The following APBA2 variants were observed in gnomAD, a reference collection of about 807,000 sequenced individuals.
APBA2 encodes amyloid-beta A4 precursor protein-binding family A member 2.
A neutral mutation model predicts 75.0 loss-of-function variants in APBA2; 30 were observed. That is an observed-to-expected ratio of 0.40 (90% CI 0.30 to 0.54). The LOEUF (loss-of-function observed/expected upper bound fraction) is 0.54. Among genes scored for constraint, APBA2 ranks in the 20% least tolerant of loss-of-function variants. The pLI is 0.49. For missense variants in APBA2, 801 were observed against 1,016.1 expected (o/e 0.79, Z 2.88); for synonymous variants, 444 against 409.6 (o/e 1.08, Z -1.01).
chr15:29,025,321 A>G (rs2152835924), intron 3 of APBA2, among the ~76,000 whole-genome samples: 1 of 146,248 alleles, frequency 6.8e-6, no homozygotes, highest in Non-Finnish European at 1.5e-5. Context: ...GCTGGCATGC[A>G]GTGGCGCCAT....
At chr15:29,023,571 T>C (rs1369359833) in intron 3 of APBA2, among the ~76,000 whole-genome samples, 1 of 142,074 alleles carries the variant, frequency 7.0e-6, no homozygotes, top group East Asian at 2.4e-4. Flanking sequence ...TTCTCCTGCC[T>C]CAGCCTCCCG....
intron 1 of APBA2, among the ~76,000 whole-genome samples, chr15:28,900,267 C>T (rs191070351): frequency 6.6e-6 from 1 of 152,324 alleles, no homozygotes. Flanking sequence ...GAATGGGTGA[C>T]AGGTGCTGTT....
chr15:29,035,816 A>G (rs563403656), intron 3 of APBA2, among the ~76,000 whole-genome samples: 5 of 152,266 alleles, frequency 3.3e-5, no homozygotes, highest in Admixed American at 2.0e-4. Flanking sequence ...GGGAGCCAGA[A>G]GCCCCGCAGG....
At position 29,093,312 on chromosome 15, in the gene APBA2, G is replaced by T. The variant is rs2043678741; in HGVS notation, c.1215+92G>T. 2.6e-6 allele frequency: 4 copies of T among 1,529,058 alleles called. No homozygotes were observed. In the Admixed American group the frequency reaches 5.7e-5, roughly 22 times the overall value. The allele number at this position is 1,529,058 out of a possible 1,614,324, so 94.7% of individuals were successfully genotyped here. A position where few individuals can be genotyped will look rare whatever the true frequency, so the allele number is the denominator to read the frequency against. On this transcript the variant is annotated intron_variant, in intron 7 of 14. Transcript: ENST00000683413. ...ATGGCGGGGCGTAGGCCCTCTTCCAGCTCGGACTGCACAGCCCTCAGCACA... is the reference window on the plus strand; with the variant it reads ...ATGGCGGGGCGTAGGCCCTCTTCCATCTCGGACTGCACAGCCCTCAGCACA...
intron 3 of APBA2, among the ~76,000 whole-genome samples, chr15:29,029,558 C>A (rs1165599947): frequency 1.3e-5 from 2 of 152,050 alleles, no homozygotes; most frequent in Non-Finnish European, 2.9e-5. Flanking sequence ...AGTCTGGGTC[C>A]ACTCAGGAGA....
chr15:28,896,110 C>CA (rs1036189486), intron 1 of APBA2, among the ~76,000 whole-genome samples: 6 of 151,448 alleles, frequency 4.0e-5, no homozygotes, highest in African/African-American at 1.2e-4. Flanking sequence ...GAACCTGTCT[C>CA]AAAAAAAATA....
intron 2 of APBA2, among the ~76,000 whole-genome samples, chr15:28,975,650 A>T (rs929813159): frequency 3.9e-5 from 6 of 152,218 alleles, no homozygotes; most frequent in Admixed American, 6.5e-5. Context: ...TTGCATTAGG[A>T]AAAAAACAAA....
intron 2 of APBA2, among the ~76,000 whole-genome samples, chr15:28,958,124 A>T (rs1245999360): frequency 6.6e-6 from 1 of 152,218 alleles, no homozygotes; most frequent in African/African-American, 2.4e-5. Flanking sequence ...TCAAAGTTAG[A>T]TAAGACCATG....
At chr15:28,965,860 ACTGTCTGAG>A (rs1469925274) in intron 2 of APBA2, among the ~76,000 whole-genome samples, 2 of 152,154 alleles carry the variant, frequency 1.3e-5, no homozygotes, top group Non-Finnish European at 2.9e-5. Flanking sequence ...TCCTCTCAGC[ACTGTCTGAG>A]CTGCATCCTA....
rs377448113 is a variant in APBA2 at position 29,054,475 on chromosome 15, C to T, written c.591C>T (p.Tyr197=). Residue 197 remains tyrosine (Y), a synonymous_variant, in exon 4 of 15, where the codon TAC becomes TAT. Coordinates refer to ENST00000683413, the MANE Select transcript of APBA2 (RefSeq NM_001353788.2). This position sits in a 1 kb window ranked among gnomAD's most constrained non-coding sequence, Gnocchi z 6.1. Reference sequence around the variant, plus strand: ...GCAAAGAGGGCTACCAGGACTACTACCCCGAGGAGGCCAACGGGAACACCG... The same window carrying T: ...GCAAAGAGGGCTACCAGGACTACTATCCCGAGGAGGCCAACGGGAACACCG... The part of the protein sequence containing the change: ...CASKEGYQDY[Y]PEEANGNTGA... The T allele has an allele frequency of 4.3e-6, 7 of 1,614,078 alleles. No homozygotes were observed. In the East Asian group the frequency reaches 6.7e-5, roughly 15 times the overall value.
intron 1 of APBA2, among the ~76,000 whole-genome samples, chr15:28,917,392 T>G (rs1200118740): frequency 2.0e-5 from 3 of 152,226 alleles, no homozygotes; most frequent in African/African-American, 7.2e-5. Context: ...CACTGCATTC[T>G]GGGAGAATCC....
intron 1 of APBA2, among the ~76,000 whole-genome samples, chr15:28,919,174 T>C (rs2033837026): frequency 6.6e-6 from 1 of 152,160 alleles, no homozygotes; most frequent in Admixed American, 6.5e-5. Flanking sequence ...GTGGGGATTA[T>C]CTGAGAGTTG....
chr15:29,037,284 A>G (rs2040799792), intron 3 of APBA2, among the ~76,000 whole-genome samples: 1 of 152,134 alleles, frequency 6.6e-6, no homozygotes. Context: ...GGTAGCTCCA[A>G]AGCACACTTA....
At chr15:28,889,157 G>C (rs1040832432) in intron 1 of APBA2, among the ~76,000 whole-genome samples, 65 of 152,248 alleles carry the variant, frequency 4.3e-4, no homozygotes, top group African/African-American at 1.6e-3. Flanking sequence ...TCGTGTCTCA[G>C]AGCAGCCTGC....
intron 3 of APBA2, among the ~76,000 whole-genome samples, chr15:29,012,949 G>A (rs1244068642): frequency 1.3e-5 from 2 of 152,138 alleles, no homozygotes; most frequent in East Asian, 3.9e-4. Context: ...AGAATGCTGA[G>A]CTTATTTCTG....
rs561454543 is a variant in APBA2, at chr15:29,075,980, C to T, written c.1033-75C>T. On this transcript the variant is annotated intron_variant, in intron 5 of 14. Transcript: ENST00000683413. The stretch of plus-strand genomic sequence containing the variant: ...TTCTCATTATGGCTCATATCACAGC[C>T]CTGCTTAGCCTTCACCTTGTGGGCT... 5.2e-6 allele frequency: 7 copies of T among 1,358,406 alleles called. No individual in the cohort carries two copies. In the African/African-American group the frequency reaches 8.6e-5, roughly 17 times the overall value. 84.1% of individuals were successfully genotyped at this position (1,358,406 alleles called of 1,614,324 possible).
At chr15:29,115,438 C>T (rs1567036481) in intron 14 of APBA2, among the ~76,000 whole-genome samples, 1 of 152,058 alleles carries the variant, frequency 6.6e-6, no homozygotes, top group Admixed American at 6.5e-5. Context: ...ACCAGCCTCC[C>T]TTTGATGGCT....
At chr15:28,917,481 C>T (rs1013148634) in intron 1 of APBA2, among the ~76,000 whole-genome samples, 2 of 152,100 alleles carry the variant, frequency 1.3e-5, no homozygotes, top group Admixed American at 1.3e-4. Flanking sequence ...ATGAATCAAC[C>T]ACCATATTAA....
chr15:28,930,548 G>A (rs906126530), intron 2 of APBA2, among the ~76,000 whole-genome samples: 4 of 152,154 alleles, frequency 2.6e-5, no homozygotes, highest in African/African-American at 9.7e-5. Context: ...GACCTGTCTT[G>A]GAGCCGGCTG....
Sources: allele counts gnomAD v4.1 joint callset (sites outside exome capture counted in the v4.1 genomes callset), GRCh38; gene constraint gnomAD v4.1.1; non-coding constraint Gnocchi (gnomAD v3.1); transcripts MANE v1.5; gene names NCBI Gene and HGNC (gene_info 2026-07-23, HGNC 2026-07-21).